EPG5: variants seen among roughly 807,000 people sequenced by gnomAD.
EPG5 encodes ectopic P granules protein 5 homolog.
A neutral mutation model predicts 302.7 loss-of-function variants in EPG5; 159 were observed. The ratio of observed to expected loss-of-function variants is 0.53; its 90% CI spans 0.46 to 0.60. The LOEUF is 0.60. EPG5 is among the 20% of genes least tolerant of loss of function. EPG5 has a pLI of 0.00. For synonymous variants in EPG5, 1,158 were observed against 1,136.8 expected (o/e 1.02, Z -0.37); for missense variants, 2,896 against 3,092.4 (o/e 0.94, Z 1.51).
At position 45,916,529 on chromosome 18, in the gene EPG5, C is replaced by A. The variant is rs979278504; in HGVS notation, c.3293G>T (p.Gly1098Val). 17 of 1,612,782 alleles carry A rather than the reference C, an allele frequency of 1.1e-5. No individual in the cohort carries two copies. In the East Asian group the frequency reaches 3.6e-4, roughly 34 times the overall value. The change falls in exon 18 of 44, where the codon GGT becomes GTT. Residue 1098 changes from glycine (G) to valine (V), a missense_variant. Physicochemically the swap from Gly to Val is moderately radical, Grantham distance 109. This residue lies in a region of EPG5 where 1,390 missense variants were observed against 1,430.0 expected (regional missense o/e 0.97). Coordinates refer to ENST00000282041, the MANE Select transcript of EPG5 (RefSeq NM_020964.3). ...CTTGTGGGTGACCTGTTGTGTGACA[C>A]CCTGAGGGACACCGCTGTCCAAGTG... ...FLHLDSGVPQ[G>V]VTQQVTHKVA...
At position 45,901,013 on chromosome 18, in the gene EPG5, C is replaced by A. The variant is rs182255496; in HGVS notation, c.4629G>T (p.Leu1543=). ...ATQLVCTDLN[L]LQQQARTAAL... is the part of the protein sequence containing the mutation. ...GGTCTTACCTGGCCTGCTGTTGCAA[C>A]AGATTCAGGTCTGTGCACACCAGCT... is the stretch of plus-strand genomic sequence containing the variant. The change falls in exon 26 of 44, where the codon CTG becomes CTT. Residue 1543 remains leucine (L), a synonymous_variant. Transcript: ENST00000282041. 1.2e-6 allele frequency: 2 copies of A among 1,613,340 alleles called. No homozygotes were observed. Among genetic ancestry groups the A allele is most frequent in the Non-Finnish European group, 1.7e-6 (2 of 1,179,456 alleles).
the EPG5 span, chr18:45,842,110 C>G: frequency 3.1e-6 from 5 of 1,614,080 alleles, no homozygotes; most frequent in African/African-American, 6.7e-5. Flanking sequence ...CCACAGGTCC[C>G]AGGCCCAGGA....
In EPG5 at chr18:45,906,598, C is replaced by T. The variant is rs188513201; in HGVS notation, c.4329+1360G>A. On this transcript the variant is annotated intron_variant, in intron 24 of 43. Transcript: ENST00000282041. The stretch of plus-strand genomic sequence containing the variant: ...AAAGGTCACCACTCCAGGCCCAATC[C>T]AAATCAGGGGCTATTCCCCTATGTT... Among the ~76,000 whole-genome samples, 256 of 152,234 alleles carry T rather than the reference C, an allele frequency of 1.7e-3. 2 individuals are homozygous for T. Among genetic ancestry groups the T allele is most frequent in the African/African-American group, 5.9e-3 (244 of 41,528 alleles).
Position 45,915,997 on chromosome 18 carries a change from C to G in EPG5, c.3582+12G>C, listed in dbSNP as rs554695413. On this transcript the variant is annotated intron_variant, in intron 19 of 43. Transcript: ENST00000282041. ...AATCACTGAAAGATAAATTCTCTAA[C>G]AGGTTAATTACCTTATGTTGTTGGT... 2.9e-4 allele frequency: 466 copies of G among 1,594,656 alleles called. 5 individuals carry two copies. In the South Asian group the frequency reaches 5.0e-3, roughly 17 times the overall value.
intron 1 of EPG5, among the ~76,000 whole-genome samples, chr18:45,964,052 G>T (rs1037745406): frequency 1.3e-5 from 2 of 152,056 alleles, no homozygotes; most frequent in Admixed American, 1.3e-4. Flanking sequence ...TGAAATAAAG[G>T]CCTCTTCATA....
intron 6 of EPG5, among the ~76,000 whole-genome samples, chr18:45,947,552 C>T (rs1434334233): frequency 6.6e-6 from 1 of 152,110 alleles, no homozygotes; most frequent in East Asian, 1.9e-4. Flanking sequence ...GGAGAGGAAC[C>T]ATCAAATCTA....
At chr18:45,840,166 C>G in the EPG5 span, 2 of 1,609,494 alleles carry the variant, frequency 1.2e-6, no homozygotes, top group Non-Finnish European at 8.5e-7. Flanking sequence ...AGGCTGCAGA[C>G]TGCGGTGGAG....
At position 45,916,528 on chromosome 18, in the gene EPG5, A is replaced by G; in HGVS notation, c.3294T>C (p.Gly1098=). Residue 1098 remains glycine (G), a synonymous_variant, in exon 18 of 44, where the codon GGT becomes GGC. Transcript: ENST00000282041. ...CCTTGTGGGTGACCTGTTGTGTGAC[A>G]CCCTGAGGGACACCGCTGTCCAAGT... The part of the protein sequence containing the change: ...FLHLDSGVPQ[G]VTQQVTHKVA... The G allele has an allele frequency of 6.2e-7, 1 of 1,612,784 alleles. No homozygotes were observed. Among genetic ancestry groups the G allele is most frequent in the Non-Finnish European group, 8.5e-7 (1 of 1,178,902 alleles).
chr18:45,828,871 T>C, the EPG5 span, among the ~76,000 whole-genome samples: 17 of 152,192 alleles, frequency 1.1e-4, no homozygotes, highest in African/African-American at 3.6e-4. Flanking sequence ...GGGGTGCTTA[T>C]TCGGGACACA....
Position 45,951,147 on chromosome 18 carries a change from T to C in EPG5, c.1344A>G (p.Glu448=). ...VLFMFTRRVN[E]DTQFHDDILL... is the part of the protein sequence containing the mutation. ...GAATATCATCATGAAACTGAGTATC[T>C]TCATTAACTCTCCTGGTGAACATGA... Residue 448 remains glutamate (E), a synonymous_variant, in exon 4 of 44, where the codon GAA becomes GAG. Coordinates refer to ENST00000282041, the MANE Select transcript of EPG5 (RefSeq NM_020964.3). 6.3e-7 allele frequency: 1 copy of C among 1,596,270 alleles called. No homozygotes were observed. The highest frequency in any genetic ancestry group is 2.3e-5 in the East Asian group (1 of 44,138).
rs769440447 is a variant in EPG5, at chr18:45,865,656, AT to A, written c.6724del (p.Met2242CysfsTer5). On this transcript the variant is annotated frameshift_variant, in exon 39 of 44. Transcript: ENST00000282041. LOFTEE classifies it high-confidence loss of function. ...AATGATATCGTCTAAGAGCTTAGAC[AT>A]TTCCTGTTCTAGGACTGCTAAGGTG... is the stretch of plus-strand genomic sequence containing the variant. ...KITLAVLEQEMSKLLDDIIVF... is the reference protein window; with the variant it reads ...KITLAVLEQEXSKLLDDIIVF... The A allele has an allele frequency of 3.7e-6, 6 of 1,613,428 alleles. No homozygotes were observed. The highest frequency in any genetic ancestry group is 1.7e-5 in the Admixed American group (1 of 59,904).
At position 45,955,059 on chromosome 18, in the gene EPG5, C is replaced by G; in HGVS notation, c.343G>C (p.Asp115His). 6.2e-7 allele frequency: 1 copy of G among 1,614,114 alleles called. No homozygotes were observed. The highest frequency in any genetic ancestry group is 8.5e-7 in the Non-Finnish European group (1 of 1,180,002). ...TGGACCTTTGGAGTGACTGCACTGT[C>G]CCCCACACAGGGTCTGGCCTCTCCC... is the stretch of plus-strand genomic sequence containing the variant. ...EGGEARPCVG[D>H]SAVTPKVHPG... Residue 115 changes from aspartate (D) to histidine (H), a missense_variant, in exon 2 of 44, where the codon GAC becomes CAC. Physicochemically the swap from Asp to His is moderately conservative, Grantham distance 81. Around this residue, in one of 5 missense-constraint regions of EPG5, gnomAD observed 1,390 missense variants for 1,430.0 expected, o/e 0.97. Transcript: ENST00000282041.
chr18:45,859,953 T>TG, intron 40 of EPG5, 151 bp downstream of exon 40: 2 of 999,190 alleles, frequency 2.0e-6, no homozygotes, highest in Middle Eastern at 6.7e-4. Flanking sequence ...AAAATACGTA[T>TG]ATTCAGAAAC....
chr18:45,931,696 G>A (rs546903589), intron 11 of EPG5, among the ~76,000 whole-genome samples: 4 of 152,070 alleles, frequency 2.6e-5, no homozygotes, highest in African/African-American at 4.8e-5. Flanking sequence ...TTAGCTGGGC[G>A]TGGTGGCACA....
the EPG5 span, among the ~76,000 whole-genome samples, chr18:45,820,879 T>C: frequency 6.6e-6 from 1 of 152,186 alleles, no homozygotes; most frequent in African/African-American, 2.4e-5. Flanking sequence ...TGTTTGAGAA[T>C]TTGTTTGGGA....
rs112643058 is a variant in EPG5 at position 45,852,280 on chromosome 18, AACACAC to A, written c.*181_*186del. 37 of 488,158 alleles carry A rather than the reference AACACAC, an allele frequency of 7.6e-5. No homozygotes were observed. Among genetic ancestry groups the A allele is most frequent in the Admixed American group, 1.5e-4 (4 of 26,306 alleles). The allele number at this position is 488,158 out of a possible 1,614,324, so 30.2% of individuals were successfully genotyped here. A position where few individuals can be genotyped will look rare whatever the true frequency, so the allele number is the denominator to read the frequency against. ...CCCAGAAGGTCTTAAGAGCTAAGAA[AACACAC>A]ACACACACACACACACACCCCAAAA... On this transcript the variant is annotated 3_prime_UTR_variant, in exon 44 of 44. Coordinates refer to ENST00000282041, the MANE Select transcript of EPG5 (RefSeq NM_020964.3).
At chr18:45,809,111 A>C in the EPG5 span, among the ~76,000 whole-genome samples, 1 of 152,356 alleles carries the variant, frequency 6.6e-6, no homozygotes, top group East Asian at 1.9e-4. Context: ...TTAAAGTGAC[A>C]GCAGTTTAAA....
At chr18:45,955,377 A>G in intron 1 of EPG5, 39 bp from the exon 2 acceptor site, 1 of 1,339,732 alleles carries the variant, frequency 7.5e-7, no homozygotes, top group Non-Finnish European at 1.0e-6. Context: ...ATTTATCACA[A>G]TAATTAATGC....
chr18:45,916,186 A>G lies in EPG5; in HGVS notation c.3405T>C (p.Thr1135=), dbSNP rs767508328. The G allele has an allele frequency of 6.2e-7, 1 of 1,613,518 alleles. No homozygotes were observed. Among genetic ancestry groups the G allele is most frequent in the South Asian group, 1.1e-5 (1 of 91,004 alleles). ...CAACGGGGCCCACTTCATTGGGCTG[A>G]GTGCTTACAGATATGTGTGCCTGTG... ...SMIQAHISVS[T]QPNEVGPVAV... The change falls in exon 19 of 44, where the codon ACT becomes ACC. Residue 1135 remains threonine (T), a synonymous_variant. Coordinates refer to ENST00000282041, the MANE Select transcript of EPG5 (RefSeq NM_020964.3).
Sources: gnomAD v4.1 joint callset for allele counts (sites outside exome capture counted in the v4.1 genomes callset) on GRCh38, gnomAD v4.1.1 for gene constraint, gnomAD v4.1.1 regional missense constraint, MANE v1.5 for transcripts, NCBI Gene and HGNC (gene_info 2026-07-23, HGNC 2026-07-21) for gene names.